Variants in HERC4 observed in about 807,000 individuals in gnomAD.
The protein encoded by HERC4 is probable E3 ubiquitin-protein ligase HERC4.
Under a neutral mutation model 124.3 loss-of-function variants are expected in HERC4, and 28 were observed. The observed-to-expected ratio is 0.23, with a 90% CI of 0.17 to 0.31. HERC4 has a LOEUF of 0.31. HERC4 is among the 10% of genes least tolerant of loss of function. HERC4 has a pLI of 1.00. For missense variants in HERC4, 713 were observed against 1,229.3 expected, an observed-to-expected ratio of 0.58 and a Z score of 6.28; for synonymous variants, 407 against 421.5, an observed-to-expected ratio of 0.97 and a Z score of 0.42.
At chr10:68,060,932 G>C (rs80022024) in intron 3 of HERC4, among the ~76,000 whole-genome samples, 1 of 150,956 alleles carries the variant, frequency 6.6e-6, no homozygotes, top group East Asian at 1.9e-4. Flanking sequence ...AAAAAAAAAA[G>C]TCACAAATGT....
At chr10:68,022,907 C>T (rs544458994) in intron 8 of HERC4, among the ~76,000 whole-genome samples, 5 of 151,172 alleles carry the variant, frequency 3.3e-5, no homozygotes, top group African/African-American at 1.2e-4. Flanking sequence ...TACAAATGGT[C>T]AACAAGTATA....
At chr10:67,994,466 C>G (rs2036740187) in intron 9 of HERC4, 2 of 152,084 alleles carry the variant, frequency 1.3e-5, no homozygotes, top group South Asian at 4.1e-4. Context: ...GAGTTTCACT[C>G]TTGTTGCCCA....
In HERC4 at chr10:68,047,939, T is replaced by TG. The variant is rs979445382; in HGVS notation, c.227-3377_227-3376insC. Among the ~76,000 whole-genome samples, 22 of 152,168 alleles carry TG rather than the reference T, an allele frequency of 1.4e-4. No individual in the cohort carries two copies. The East Asian group carries it at 3.7e-3, about 25-fold the overall frequency. The stretch of plus-strand genomic sequence containing the variant: ...GAATGTTTTGTTTTTGTTTTTTTTT[T>TG]TGTGAGACAGGGTCTCACCCTGTTG... On this transcript the variant is annotated intron_variant, in intron 3 of 24. Transcript: ENST00000373700.
At chr10:68,007,063 T>C (rs374664842) in intron 9 of HERC4, among the ~76,000 whole-genome samples, 6 of 152,226 alleles carry the variant, frequency 3.9e-5, no homozygotes, top group Non-Finnish European at 8.8e-5. Flanking sequence ...ATAAACTTTC[T>C]ATCCCTCTCT....
At chr10:68,066,279 G>C (rs1479019162) in intron 3 of HERC4, among the ~76,000 whole-genome samples, 1 of 152,072 alleles carries the variant, frequency 6.6e-6, no homozygotes, top group Non-Finnish European at 1.5e-5. Context: ...TGATATATTG[G>C]GAATACAGAA....
At chr10:67,976,116 A>G (rs756084598) in intron 15 of HERC4, among the ~76,000 whole-genome samples, 1 of 151,980 alleles carries the variant, frequency 6.6e-6, no homozygotes, top group African/African-American at 2.4e-5. Context: ...AGAGTTGACT[A>G]GTTGCAACAA....
intron 3 of HERC4, among the ~76,000 whole-genome samples, chr10:68,065,209 A>G (rs2041241957): frequency 6.6e-6 from 1 of 152,142 alleles, no homozygotes. Flanking sequence ...TTACCTATGC[A>G]TGATGGCATT....
chr10:67,998,281 C>G (rs2037012432), intron 9 of HERC4, among the ~76,000 whole-genome samples: 1 of 151,596 alleles, frequency 6.6e-6, no homozygotes, highest in Non-Finnish European at 1.5e-5. Context: ...GGCATGGTGG[C>G]TCATGCCTGT....
Position 67,922,099 on chromosome 10 carries a change from T to C in HERC4, c.*832A>G, listed in dbSNP as rs562084809. On this transcript the variant is annotated 3_prime_UTR_variant, in exon 25 of 25. Transcript: ENST00000373700. ...GATTTGTTTCTTAAATTCAAGGAAA[T>C]AGCTCTAAAGCACTGCAGCATCAAT... 4 of 152,276 alleles carry C rather than the reference T, an allele frequency of 2.6e-5. No individual in the cohort carries two copies. The South Asian group carries it at 6.2e-4, about 24-fold the overall frequency. The allele number at this position is 152,276 out of a possible 1,614,324, so 9.4% of individuals were successfully genotyped here.
At chr10:68,059,841 A>G (rs1450418274) in intron 3 of HERC4, among the ~76,000 whole-genome samples, 1 of 33,004 alleles carries the variant, frequency 3.0e-5, no homozygotes, top group Non-Finnish European at 4.2e-5. Context: ...TATATATTAT[A>G]ATATATTATA....
intron 15 of HERC4, among the ~76,000 whole-genome samples, chr10:67,972,600 T>A (rs1221455455): frequency 6.9e-6 from 1 of 145,736 alleles, no homozygotes; most frequent in East Asian, 2.0e-4. Context: ...ATAAAAATTT[T>A]AAAAATCATT....
At chr10:68,020,651 C>T in intron 8 of HERC4, among the ~76,000 whole-genome samples, 1 of 151,102 alleles carries the variant, frequency 6.6e-6, no homozygotes, top group South Asian at 2.1e-4. Flanking sequence ...CGCCTGTAGT[C>T]CCAGCTACTT....
intron 14 of HERC4, among the ~76,000 whole-genome samples, chr10:67,989,853 G>T (rs2036457220): frequency 6.6e-6 from 1 of 151,976 alleles, no homozygotes; most frequent in African/African-American, 2.4e-5. Context: ...GTTCCAAGAA[G>T]ATTTAAAGCC....
At chr10:68,061,298 C>T (rs2040997298) in intron 3 of HERC4, among the ~76,000 whole-genome samples, 1 of 151,910 alleles carries the variant, frequency 6.6e-6, no homozygotes, top group African/African-American at 2.4e-5. Flanking sequence ...CTTTGGGAGG[C>T]CAAGGCGGGT....
At chr10:67,959,582 C>T (rs1247647942) in intron 16 of HERC4, among the ~76,000 whole-genome samples, 1 of 151,642 alleles carries the variant, frequency 6.6e-6, no homozygotes, top group Non-Finnish European at 1.5e-5. Flanking sequence ...GATTAAAATG[C>T]CATATGGACA....
At chr10:67,923,788 C>T (rs2030532624) in intron 24 of HERC4, among the ~76,000 whole-genome samples, 1 of 151,816 alleles carries the variant, frequency 6.6e-6, no homozygotes, top group Non-Finnish European at 1.5e-5. Flanking sequence ...AATGATTTCT[C>T]ATCCTTATGA....
At chr10:68,020,956 A>G (rs2038586570) in intron 8 of HERC4, among the ~76,000 whole-genome samples, 1 of 152,152 alleles carries the variant, frequency 6.6e-6, no homozygotes, top group Non-Finnish European at 1.5e-5. Context: ...TAGGGGAACC[A>G]TAGGATACCA....
At chr10:68,055,644 G>A (rs1440907813) in intron 3 of HERC4, among the ~76,000 whole-genome samples, 1 of 151,756 alleles carries the variant, frequency 6.6e-6, no homozygotes, top group African/African-American at 2.4e-5. Context: ...AAACATTTCT[G>A]TATTTATTGA....
At chr10:68,025,819 C>A (rs558807250) in intron 7 of HERC4, 143 bp from the exon 8 acceptor site, 1 of 684,850 alleles carries the variant, frequency 1.5e-6, no homozygotes, top group East Asian at 3.0e-5. Context: ...AGACAGATGG[C>A]TCTTTCAAAG....
Sources: gnomAD v4.1 joint callset for allele counts (sites outside exome capture counted in the v4.1 genomes callset) on GRCh38, gnomAD v4.1.1 for gene constraint, MANE v1.5 for transcripts, NCBI Gene and HGNC (gene_info 2026-07-23, HGNC 2026-07-21) for gene names.